The following PTPRK variants were observed in gnomAD, a reference collection of about 807,000 sequenced individuals.
The protein encoded by PTPRK is receptor-type tyrosine-protein phosphatase kappa.
In PTPRK, 75 loss-of-function variants were observed where a neutral mutation model predicts 178.0. That is an observed-to-expected ratio of 0.42 (90% CI 0.35 to 0.51). The LOEUF (loss-of-function observed/expected upper bound fraction) is 0.51. Among genes scored for constraint, PTPRK ranks in the 20% least tolerant of loss-of-function variants. PTPRK has a pLI of 0.02. For missense variants in PTPRK, 1,441 were observed against 1,797.8 expected, an observed-to-expected ratio of 0.80 and a Z score of 3.59; for synonymous variants, 637 against 620.6, an observed-to-expected ratio of 1.03 and a Z score of -0.39.
chr6:128,005,585 A>G (rs183508273), intron 14 of PTPRK, among the ~76,000 whole-genome samples: 58 of 100,318 alleles, frequency 5.8e-4, no homozygotes, highest in African/African-American at 2.1e-3. Flanking sequence ...TATTCAAGCT[A>G]AAGCCAAGTT....
At chr6:128,464,838 TA>T (rs199787798) in intron 1 of PTPRK, among the ~76,000 whole-genome samples, 14 of 143,136 alleles carry the variant, frequency 9.8e-5, no homozygotes, top group South Asian at 2.2e-4. Flanking sequence ...CACTGAGATT[TA>T]AAAAAAAAGA....
chr6:128,426,415 T>C (rs1457054038), intron 1 of PTPRK, among the ~76,000 whole-genome samples: 4 of 152,206 alleles, frequency 2.6e-5, no homozygotes. Context: ...TTACAGTATT[T>C]TATTCAATCC....
intron 2 of PTPRK, among the ~76,000 whole-genome samples, chr6:128,384,747 A>G (rs1456001471): frequency 2.0e-5 from 3 of 152,100 alleles, no homozygotes; most frequent in Admixed American, 6.6e-5. Context: ...TTTGGTGACC[A>G]GAAAAAATTT....
At chr6:128,170,473 C>T (rs1583312745) in intron 7 of PTPRK, among the ~76,000 whole-genome samples, 1 of 151,954 alleles carries the variant, frequency 6.6e-6, no homozygotes, top group African/African-American at 2.4e-5. Flanking sequence ...GAAAACTATT[C>T]ATTTGAACTT....
chr6:127,973,456 TTAAA>T (rs1774174186), intron 28 of PTPRK, among the ~76,000 whole-genome samples: 1 of 152,160 alleles, frequency 6.6e-6, no homozygotes, highest in African/African-American at 2.4e-5. Flanking sequence ...TCCAAAGAGT[TTAAA>T]TAATATAGCT....
intron 3 of PTPRK, among the ~76,000 whole-genome samples, chr6:128,317,220 C>T (rs113912123): frequency 0.05 from 7,536 of 152,144 alleles, 261 homozygotes; most frequent in Middle Eastern, 0.13. Context: ...TCCACCACTA[C>T]GTAAGCACAA....
At chr6:128,083,570 A>G (rs1347303058) in intron 9 of PTPRK, 145 bp downstream of exon 9, 3 of 427,746 alleles carry the variant, frequency 7.0e-6, no homozygotes, top group African/African-American at 6.2e-5. Flanking sequence ...GGAATCAAAG[A>G]ATCTGTAAAT....
At chr6:128,052,582 A>G (rs1457848783) in intron 13 of PTPRK, among the ~76,000 whole-genome samples, 2 of 152,322 alleles carry the variant, frequency 1.3e-5, no homozygotes, top group East Asian at 1.9e-4. Context: ...GGAATATCAC[A>G]AAAGTGATGC....
At chr6:128,074,575 G>T (rs1000209689) in intron 11 of PTPRK, among the ~76,000 whole-genome samples, 1 of 152,046 alleles carries the variant, frequency 6.6e-6, no homozygotes, top group African/African-American at 2.4e-5. Context: ...TGATTGTCAA[G>T]TGATGACAGT....
intron 5 of PTPRK, among the ~76,000 whole-genome samples, chr6:128,227,770 C>A (rs9402024): frequency 0.11 from 16,180 of 151,826 alleles, 1,757 homozygotes; most frequent in East Asian, 0.35. Flanking sequence ...AAACATATTA[C>A]GGAAATGATT....
At chr6:128,177,656 T>A (rs192658751) in intron 7 of PTPRK, among the ~76,000 whole-genome samples, 33 of 151,728 alleles carry the variant, frequency 2.2e-4, no homozygotes, top group Non-Finnish European at 4.0e-4. Context: ...GTGCCTTGAA[T>A]TGGGATGTAT....
chr6:128,343,572 A>T (rs971970850), intron 2 of PTPRK, among the ~76,000 whole-genome samples: 2 of 152,010 alleles, frequency 1.3e-5, no homozygotes, highest in African/African-American at 2.4e-5. Context: ...AAGGCTTTCT[A>T]GCATTTAAAG....
intron 7 of PTPRK, among the ~76,000 whole-genome samples, chr6:128,103,394 C>T (rs1462806289): frequency 1.3e-5 from 2 of 152,170 alleles, no homozygotes; most frequent in African/African-American, 2.4e-5. Flanking sequence ...CTGATTAACA[C>T]TTAAGCCATC....
chr6:128,151,812 A>G lies in PTPRK; in HGVS notation c.1162+32620T>C. On this transcript the variant is annotated intron_variant, in intron 7 of 29. Transcript: ENST00000368226. The stretch of plus-strand genomic sequence containing the variant: ...AACAGATGATTAATGAGTAAATACT[A>G]TAGAGGCAAGAATGATAAAAAGGCA... Among the ~76,000 whole-genome samples the G allele has an allele frequency of 1.3e-5, 2 of 152,188 alleles. 1 individual carries two copies. The highest frequency in any genetic ancestry group is 3.9e-4 in the East Asian group (2 of 5,178).
chr6:128,463,957 T>C (rs990217322), intron 1 of PTPRK, among the ~76,000 whole-genome samples: 3 of 152,030 alleles, frequency 2.0e-5, no homozygotes, highest in Non-Finnish European at 4.4e-5. Context: ...GGTTTCACCA[T>C]GTTGGCCAGG....
rs978707873 is a variant in PTPRK, at chr6:127,998,613, T to C, written c.2679+107A>G. On this transcript the variant is annotated intron_variant, in intron 16 of 29. Coordinates refer to ENST00000368226, the MANE Select transcript of PTPRK (RefSeq NM_002844.4). ...CATAAACACTAGATTAGAGAGCCTA[T>C]AGAACAATCCCCTCCTTGTTGTGTT... 69 of 886,920 alleles carry C rather than the reference T, an allele frequency of 7.8e-5. No individual in the cohort carries two copies. The African/African-American group carries it at 1.1e-3, about 14-fold the overall frequency. 54.9% of individuals were successfully genotyped at this position (886,920 alleles called of 1,614,324 possible).
At chr6:128,430,940 CTTTTTTTT>C (rs577140756) in intron 1 of PTPRK, among the ~76,000 whole-genome samples, 1 of 136,988 alleles carries the variant, frequency 7.3e-6, no homozygotes, top group Non-Finnish European at 1.6e-5. Flanking sequence ...TAATTTTTTT[CTTTTTTTT>C]TTTTTTTTGA....
At chr6:128,389,521 G>C (rs1288320067) in intron 2 of PTPRK, among the ~76,000 whole-genome samples, 1 of 150,824 alleles carries the variant, frequency 6.6e-6, no homozygotes, top group East Asian at 1.9e-4. Flanking sequence ...CCTATCTTGA[G>C]TCAAGTTTAT....
chr6:128,223,402 C>G (rs1452968510), intron 5 of PTPRK, among the ~76,000 whole-genome samples: 2 of 151,848 alleles, frequency 1.3e-5, no homozygotes, highest in South Asian at 2.1e-4. Context: ...CAAGCTATTT[C>G]AGAAATAATT....
Sources: gnomAD v4.1 joint callset for allele counts (sites outside exome capture counted in the v4.1 genomes callset) on GRCh38, gnomAD v4.1.1 for gene constraint, MANE v1.5 for transcripts, NCBI Gene and HGNC (gene_info 2026-07-23, HGNC 2026-07-21) for gene names.